The following SORCS3 variants were observed in gnomAD, a reference collection of about 807,000 sequenced individuals.
SORCS3 encodes VPS10 domain-containing receptor SorCS3.
SORCS3 carries 57 observed loss-of-function variants against 146.3 expected under a neutral mutation model. The observed-to-expected ratio is 0.39, with a 90% CI of 0.31 to 0.49. The LOEUF (loss-of-function observed/expected upper bound fraction) is 0.49. SORCS3 is among the 20% of genes least tolerant of loss of function. The pLI is 0.92. For missense variants in SORCS3, 1,341 were observed against 1,575.5 expected, an observed-to-expected ratio of 0.85 and a Z score of 2.52; for synonymous variants, 653 against 618.5, an observed-to-expected ratio of 1.06 and a Z score of -0.83.
chr10:105,119,054 C>T (rs992977526), intron 7 of SORCS3, among the ~76,000 whole-genome samples: 10 of 152,248 alleles, frequency 6.6e-5, no homozygotes, highest in Middle Eastern at 3.4e-3. Context: ...ATCACAGTCC[C>T]GAGGTCTAGG....
intron 20 of SORCS3, among the ~76,000 whole-genome samples, chr10:105,241,330 A>G (rs2056821787): frequency 6.6e-6 from 1 of 152,206 alleles, no homozygotes; most frequent in African/African-American, 2.4e-5. Flanking sequence ...TGGAGGGCCC[A>G]TGGCCAGACC....
intron 2 of SORCS3, among the ~76,000 whole-genome samples, chr10:104,893,668 G>C (rs1194261362): frequency 6.6e-6 from 1 of 152,160 alleles, no homozygotes; most frequent in Non-Finnish European, 1.5e-5. Flanking sequence ...CTATGAATTA[G>C]GGCTCGTTTC....
chr10:104,711,642 A>G (rs774772968), intron 1 of SORCS3, among the ~76,000 whole-genome samples: 25 of 152,248 alleles, frequency 1.6e-4, no homozygotes, highest in Non-Finnish European at 3.7e-4. Context: ...GCAATTTCCC[A>G]GCACCAAGTT....
At chr10:104,653,997 C>A (rs192675695) in intron 1 of SORCS3, among the ~76,000 whole-genome samples, 13 of 152,040 alleles carry the variant, frequency 8.6e-5, no homozygotes, top group African/African-American at 3.1e-4. Flanking sequence ...CTACTCTATG[C>A]GCATGGGTTC....
chr10:105,016,155 A>ATATATATATATATATATATATATATTTTT (rs71482443), intron 4 of SORCS3, among the ~76,000 whole-genome samples: 1 of 101,344 alleles, frequency 9.9e-6, no homozygotes, highest in African/African-American at 4.8e-5. Context: ...ATATATATAT[A>ATATATATATATATATATATATATATTTTT]TTTTTTTTTT....
At chr10:104,810,073 C>G (rs1442272879) in intron 1 of SORCS3, among the ~76,000 whole-genome samples, 1 of 152,112 alleles carries the variant, frequency 6.6e-6, no homozygotes, top group African/African-American at 2.4e-5. Context: ...TTAAGCAGAG[C>G]CATATGCCAC....
At chr10:105,185,498 G>A (rs957486335) in intron 14 of SORCS3, among the ~76,000 whole-genome samples, 2 of 152,060 alleles carry the variant, frequency 1.3e-5, no homozygotes, top group Non-Finnish European at 2.9e-5. Flanking sequence ...CTCCTTGTTC[G>A]TTGAAGTTGC....
chr10:104,854,925 T>C (rs2018313579), intron 2 of SORCS3, among the ~76,000 whole-genome samples: 1 of 152,196 alleles, frequency 6.6e-6, no homozygotes, highest in Non-Finnish European at 1.5e-5. Flanking sequence ...TAGTCTAGGG[T>C]ATGAATGTAC....
At chr10:104,840,642 C>T (rs550487848) in intron 1 of SORCS3, among the ~76,000 whole-genome samples, 5 of 152,256 alleles carry the variant, frequency 3.3e-5, no homozygotes, top group South Asian at 4.2e-4. Context: ...AGGGAAAAAG[C>T]GGAGTGGTCC....
intron 2 of SORCS3, among the ~76,000 whole-genome samples, chr10:104,877,756 G>T (rs2018591429): frequency 6.6e-6 from 1 of 152,142 alleles, no homozygotes; most frequent in South Asian, 2.1e-4. Context: ...CTGAGAAGGA[G>T]TCAGATACCA....
intron 22 of SORCS3, among the ~76,000 whole-genome samples, chr10:105,247,826 A>G (rs1282345921): frequency 6.6e-6 from 1 of 152,210 alleles, no homozygotes; most frequent in African/African-American, 2.4e-5. Flanking sequence ...AAGAGAGTCT[A>G]GTTCAATGTT....
At chr10:104,715,078 C>A (rs2016460355) in intron 1 of SORCS3, among the ~76,000 whole-genome samples, 1 of 152,110 alleles carries the variant, frequency 6.6e-6, no homozygotes, top group Non-Finnish European at 1.5e-5. Context: ...TAGTACTCTC[C>A]AAAGTAGGTG....
intron 2 of SORCS3, among the ~76,000 whole-genome samples, chr10:104,895,699 G>T (rs1327152070): frequency 6.6e-6 from 1 of 152,126 alleles, no homozygotes; most frequent in East Asian, 1.9e-4. Flanking sequence ...GCAAGGAAAG[G>T]GCTCCCTCTG....
chr10:104,940,492 G>A (rs114180931), intron 3 of SORCS3, among the ~76,000 whole-genome samples: 1,631 of 146,372 alleles, frequency 0.011, 26 homozygotes, highest in African/African-American at 0.038. Context: ...AACATGCGGC[G>A]TTCGCTTTTT....
At chr10:105,135,748 C>T (rs374235289) in intron 7 of SORCS3, among the ~76,000 whole-genome samples, 14 of 152,316 alleles carry the variant, frequency 9.2e-5, no homozygotes, top group Admixed American at 2.6e-4. Flanking sequence ...GACACAGGCA[C>T]GATTAAGCCA....
intron 20 of SORCS3, among the ~76,000 whole-genome samples, chr10:105,236,449 G>C (rs1430277832): frequency 6.6e-6 from 1 of 152,160 alleles, no homozygotes; most frequent in African/African-American, 2.4e-5. Flanking sequence ...GAAAGAGGAC[G>C]ATTTTAAGTT....
intron 4 of SORCS3, among the ~76,000 whole-genome samples, chr10:104,983,797 G>T (rs917145844): frequency 1.3e-5 from 2 of 151,806 alleles, no homozygotes; most frequent in African/African-American, 4.8e-5. Flanking sequence ...TTGTCTGCCC[G>T]ACCAGGCCAG....
chr10:105,216,371 A>G (rs974143751), intron 18 of SORCS3, among the ~76,000 whole-genome samples: 1 of 152,172 alleles, frequency 6.6e-6, no homozygotes, highest in African/African-American at 2.4e-5. Flanking sequence ...AGCAATTACA[A>G]CTATAGCATG....
At chr10:105,079,583 A>G (rs186609464) in intron 5 of SORCS3, among the ~76,000 whole-genome samples, 71 of 152,048 alleles carry the variant, frequency 4.7e-4, no homozygotes, top group African/African-American at 1.6e-3. Flanking sequence ...TTAAACTTTT[A>G]TGTTTGGTTC....
Sources: gnomAD v4.1 joint callset for allele counts (sites outside exome capture counted in the v4.1 genomes callset) on GRCh38, gnomAD v4.1.1 for gene constraint, MANE v1.5 for transcripts, NCBI Gene and HGNC (gene_info 2026-07-23, HGNC 2026-07-21) for gene names.